The following DIP2A variants were observed in gnomAD, a reference collection of about 807,000 sequenced individuals.
DIP2A encodes the protein disco-interacting protein 2 homolog A.
Under a neutral mutation model 177.4 loss-of-function variants are expected in DIP2A, and 85 were observed. The observed-to-expected ratio is 0.48, with a 90% CI of 0.40 to 0.57. DIP2A has a LOEUF of 0.57. Ranked by LOEUF, DIP2A falls within the 20% of genes least tolerant of loss-of-function variation. DIP2A has a pLI of 0.00. For synonymous variants in DIP2A, 886 were observed against 881.8 expected (o/e 1.00, Z -0.08); for missense variants, 1,791 against 2,100.2 (o/e 0.85, Z 2.88).
intron 37 of DIP2A, among the ~76,000 whole-genome samples, chr21:46,567,047 A>G (rs886585462): frequency 6.6e-6 from 1 of 152,242 alleles, no homozygotes; most frequent in African/African-American, 2.4e-5. Context: ...AGATTTCCAC[A>G]GGTCTCATCC....
chr21:46,554,207 C>T lies in DIP2A; in HGVS notation c.3069C>T (p.His1023=), dbSNP rs1235368650. ...GCACTGCAACCTGTGTCCAGCTGCA[C>T]AAAAGGGCTGAGAGAGTGGCCGCGG... ...VTSTATCVQL[H]KRAERVAAAL... The change falls in exon 26 of 38, where the codon CAC becomes CAT. Residue 1023 remains histidine, a synonymous_variant. Transcript: ENST00000417564. 1.2e-6 allele frequency: 2 copies of T among 1,613,940 alleles called. No individual in the cohort carries two copies. Among genetic ancestry groups the T allele is most frequent in the East Asian group, 2.2e-5 (1 of 44,872 alleles).
intron 19 of DIP2A, 32 bp downstream of exon 19, chr21:46,545,305 G>A (rs1343066140): frequency 6.3e-7 from 1 of 1,578,348 alleles, no homozygotes; most frequent in East Asian, 2.3e-5. Context: ...TCATGTTGAA[G>A]TTAAGTTGCA....
At chr21:46,533,713 C>T (rs550167506) in intron 11 of DIP2A, 66 bp downstream of exon 11, 134 of 1,597,342 alleles carry the variant, frequency 8.4e-5, no homozygotes, top group Non-Finnish European at 1.1e-4. Flanking sequence ...GCATGGTGTT[C>T]CAGAAATTAA....
chr21:46,549,975 GC>G (rs2060212729), intron 22 of DIP2A, 90 bp downstream of exon 22: 1 of 1,575,986 alleles, frequency 6.3e-7, no homozygotes, highest in Admixed American at 1.7e-5. Flanking sequence ...GGCTTGTCCC[GC>G]CCGGTCCTCC....
In DIP2A at chr21:46,551,743, G is replaced by C; in HGVS notation, c.2949G>C (p.Lys983Asn). ...AHLEDSDQAR[K>N]FLFLADVLQW... The stretch of plus-strand genomic sequence containing the variant: ...TGGAGGACAGCGACCAGGCACGGAA[G>C]GTGACAGGCCAGTTCCGGGGACGGG... Residue 983 changes from lysine (K) to asparagine (N), a missense_variant and splice_region_variant, in exon 24 of 38, where the codon AAG becomes AAC. By Grantham distance (94) the Lys-to-Asn change is moderately conservative. Coordinates refer to ENST00000417564, the MANE Select transcript of DIP2A (RefSeq NM_015151.4). 1 of 1,613,986 alleles carries C rather than the reference G, an allele frequency of 6.2e-7. No homozygotes were observed. Among genetic ancestry groups the C allele is most frequent in the Non-Finnish European group, 8.5e-7 (1 of 1,179,880 alleles).
intron 3 of DIP2A, among the ~76,000 whole-genome samples, chr21:46,492,039 AT>A (rs2057043384): frequency 6.6e-6 from 1 of 152,136 alleles, no homozygotes. Flanking sequence ...TGTGTTTAAG[AT>A]ATCTTTGCCT....
intron 20 of DIP2A, among the ~76,000 whole-genome samples, chr21:46,546,503 G>T (rs1034667511): frequency 6.6e-6 from 1 of 152,184 alleles, no homozygotes; most frequent in Non-Finnish European, 1.5e-5. Context: ...CGATGGTATT[G>T]TCAGCCCAGA....
chr21:46,560,912 G>A, intron 33 of DIP2A, 129 bp downstream of exon 33: 11 of 1,485,656 alleles, frequency 7.4e-6, no homozygotes, highest in Non-Finnish European at 9.0e-6. Context: ...AGGCCTACCG[G>A]GACACCTGGA....
Position 46,566,632 on chromosome 21 carries a change from C to T in DIP2A, c.4412C>T (p.Pro1471Leu), listed in dbSNP as rs749837890. 3 of 1,614,068 alleles carry T rather than the reference C, an allele frequency of 1.9e-6. No homozygotes were observed. The highest frequency in any genetic ancestry group is 3.3e-5 in the Admixed American group (2 of 60,008). ...GAGCTCAGAGGCATGCGGTACCACCCCATCGACATTGAGACCTCTGTCATC... is the reference window on the plus strand; with the variant it reads ...GAGCTCAGAGGCATGCGGTACCACCTCATCGACATTGAGACCTCTGTCATC... ...TLELRGMRYHPIDIETSVIRA... is the reference protein window; with the variant it reads ...TLELRGMRYHLIDIETSVIRA... Residue 1471 changes from proline to leucine, a missense_variant, in exon 37 of 38, where the codon CCC becomes CTC. Physicochemically the swap from Pro to Leu is moderately conservative, Grantham distance 98 (BLOSUM62 -3). Coordinates refer to ENST00000417564, the MANE Select transcript of DIP2A (RefSeq NM_015151.4).
At chr21:46,471,391 C>A (rs1473508167) in intron 1 of DIP2A, among the ~76,000 whole-genome samples, 1 of 152,102 alleles carries the variant, frequency 6.6e-6, no homozygotes, top group African/African-American at 2.4e-5. Flanking sequence ...GAGAAAGGTA[C>A]GGAACTATCC....
chr21:46,563,927 G>A lies in DIP2A; in HGVS notation c.4159G>A (p.Gly1387Arg). ...TKGPLGDSHL[G>R]EIWVSSPHNA... The stretch of plus-strand genomic sequence containing the variant: ...AGGACCCTTGGGAGACTCACACCTG[G>A]GAGAGGTGAGCAGGGGCCCATGGGA... Residue 1387 changes from glycine to arginine, a missense_variant, in exon 35 of 38, where the codon GGA becomes AGA. Transcript: ENST00000417564. The surrounding 1 kb of genome is among the most constrained non-coding windows in gnomAD (Gnocchi z 4.3). 6.2e-7 allele frequency: 1 copy of A among 1,613,244 alleles called. No individual in the cohort carries two copies. The highest frequency in any genetic ancestry group is 8.5e-7 in the Non-Finnish European group (1 of 1,179,742).
intron 34 of DIP2A, among the ~76,000 whole-genome samples, chr21:46,562,232 C>G (rs7281133): frequency 0.12 from 17,811 of 152,100 alleles, 1,436 homozygotes; most frequent in African/African-American, 0.22. Flanking sequence ...CAGACCCTGT[C>G]GGGGATCTGG....
chr21:46,525,243 A>C (rs2059024451), intron 8 of DIP2A, among the ~76,000 whole-genome samples: 1 of 152,134 alleles, frequency 6.6e-6, no homozygotes, highest in Non-Finnish European at 1.5e-5. Flanking sequence ...AGATCAAAAC[A>C]TTATTCCATT....
At chr21:46,506,390 T>G (rs766188602) in intron 6 of DIP2A, among the ~76,000 whole-genome samples, 1 of 152,232 alleles carries the variant, frequency 6.6e-6, no homozygotes, top group Non-Finnish European at 1.5e-5. Flanking sequence ...AGTACTGGGA[T>G]TATAGGTGTG....
At chr21:46,479,494 G>A (rs759789681) in intron 1 of DIP2A, among the ~76,000 whole-genome samples, 1 of 152,110 alleles carries the variant, frequency 6.6e-6, no homozygotes, top group African/African-American at 2.4e-5. Flanking sequence ...ACACTGCTGT[G>A]GAAGCATATC....
the DIP2A span, among the ~76,000 whole-genome samples, chr21:46,575,379 T>G: frequency 3.5e-4 from 53 of 152,264 alleles, no homozygotes; most frequent in Non-Finnish European, 2.2e-4. Context: ...ACAGCAAGGA[T>G]GACTGCGTTT....
Position 46,541,888 on chromosome 21 carries a change from G to A in DIP2A, c.2169G>A (p.Met723Ile), listed in dbSNP as rs767673755. ...VLTVQDVGQV[M>I]PGANVCVVKL... ...CTGTTCAGGACGTTGGTCAGGTGAT[G>A]CCTGGAGGTAAGAGACATAACCAGA... Residue 723 changes from methionine to isoleucine, a missense_variant, in exon 18 of 38, where the codon ATG becomes ATA. Met to Ile is a conservative substitution (Grantham distance 10). Coordinates refer to ENST00000417564, the MANE Select transcript of DIP2A (RefSeq NM_015151.4). 8.0e-5 allele frequency: 129 copies of A among 1,613,940 alleles called. 1 individual carries two copies. The highest frequency in any genetic ancestry group is 1.6e-4 in the Middle Eastern group (1 of 6,084).
chr21:46,498,795 C>T lies in DIP2A; in HGVS notation c.617C>T (p.Thr206Ile), dbSNP rs1288533921. 1.9e-6 allele frequency: 3 copies of T among 1,613,730 alleles called. No individual in the cohort carries two copies. Among genetic ancestry groups the T allele is most frequent in the Non-Finnish European group, 1.7e-6 (2 of 1,179,868 alleles). The part of the protein sequence containing the change: ...SAAATPGAAA[T>I]TALAGLEAHT... ...GCAGCCACGCCGGGGGCCGCCGCTA[C>T]CACTGCACTCGCAGGCCTCGAGGCC... The change falls in exon 5 of 38, where the codon ACC becomes ATC. Residue 206 changes from threonine (T) to isoleucine (I), a missense_variant. By Grantham distance (89) the Thr-to-Ile change is moderately conservative. Transcript: ENST00000417564. The surrounding 1 kb of genome is among the most constrained non-coding windows in gnomAD (Gnocchi z 4.3).
At chr21:46,522,367 A>G (rs932950239) in intron 8 of DIP2A, among the ~76,000 whole-genome samples, 1 of 152,212 alleles carries the variant, frequency 6.6e-6, no homozygotes, top group African/African-American at 2.4e-5. Context: ...TACTGGCTTC[A>G]GGGTGGAGCT....
Sources: gnomAD v4.1 joint callset for allele counts (sites outside exome capture counted in the v4.1 genomes callset) on GRCh38, gnomAD v4.1.1 for gene constraint, Gnocchi (gnomAD v3.1) non-coding constraint, MANE v1.5 for transcripts, NCBI Gene and HGNC (gene_info 2026-07-23, HGNC 2026-07-21) for gene names.